Variants in NUP210L observed in about 807,000 individuals in gnomAD.
The protein encoded by NUP210L is nuclear pore membrane glycoprotein 210-like.
In NUP210L, 74 loss-of-function variants were observed where a neutral mutation model predicts 208.5. That is an observed-to-expected ratio of 0.35 (90% CI 0.29 to 0.43). The LOEUF (loss-of-function observed/expected upper bound fraction) is 0.43. Among genes scored for constraint, NUP210L ranks in the 20% least tolerant of loss-of-function variants. The probability of loss-of-function intolerance (pLI) is 1.00; values close to 1 mark genes in which losing one functional copy is unlikely to be tolerated. For missense variants in NUP210L, 1,843 were observed against 2,289.4 expected, an observed-to-expected ratio of 0.81 and a Z score of 3.98; for synonymous variants, 780 against 816.9, an observed-to-expected ratio of 0.95 and a Z score of 0.77.
chr1:154,047,672 C>A (rs1017778255), intron 25 of NUP210L, among the ~76,000 whole-genome samples: 14 of 152,206 alleles, frequency 9.2e-5, no homozygotes, highest in African/African-American at 2.9e-4. Context: ...ATCTATAGAA[C>A]CAATGCTTAT....
intron 35 of NUP210L, among the ~76,000 whole-genome samples, chr1:154,006,540 C>A (rs1650532533): frequency 6.6e-6 from 1 of 151,848 alleles, no homozygotes; most frequent in Non-Finnish European, 1.5e-5. Flanking sequence ...ACCGCCCAGG[C>A]TGGAGTGAAG....
rs181378418 is a variant in NUP210L at position 154,138,766 on chromosome 1, A to G, written c.718-528T>C. 5.9e-4 allele frequency among the ~76,000 whole-genome samples: 90 copies of G among 152,336 alleles called. No homozygotes were observed. In the East Asian group the frequency reaches 0.014, roughly 23 times the overall value. ...CCTATTTATGCAAGTTGTGCTTATA[A>G]TTATAATCACATTAAAACAAAAACT... On this transcript the variant is annotated intron_variant, in intron 5 of 39. Coordinates refer to ENST00000368559, the Ensembl canonical transcript of NUP210L.
intron 20 of NUP210L, among the ~76,000 whole-genome samples, chr1:154,059,077 G>C (rs187522945): frequency 2.0e-5 from 3 of 151,508 alleles, no homozygotes; most frequent in African/African-American, 7.3e-5. Flanking sequence ...GCACATGCCT[G>C]TAATCCCAGC....
chr1:154,058,627 G>T, exon 21 of NUP210L: 2 of 1,613,890 alleles, frequency 1.2e-6, no homozygotes, highest in South Asian at 2.2e-5. Context: ...GCTGTTGCTG[G>T]ACCCAAGAAA....
intron 5 of NUP210L, among the ~76,000 whole-genome samples, chr1:154,138,740 A>G (rs926391083): frequency 6.6e-6 from 1 of 152,174 alleles, no homozygotes; most frequent in Non-Finnish European, 1.5e-5. Flanking sequence ...TTTTTCCCAA[A>G]CCTATTTATG....
intron 22 of NUP210L, among the ~76,000 whole-genome samples, chr1:154,057,241 A>AG (rs1653916729): frequency 6.6e-6 from 1 of 152,086 alleles, no homozygotes; most frequent in African/African-American, 2.4e-5. Context: ...GCCTCCCATC[A>AG]TGCTGGGATT....
intron 6 of NUP210L, among the ~76,000 whole-genome samples, chr1:154,137,275 G>A (rs4845601): frequency 0.3 from 46,158 of 151,758 alleles, 7,909 homozygotes; most frequent in Admixed American, 0.45. Context: ...AAAAGAGGCC[G>A]GGAGTGATGG....
intron 1 of NUP210L, among the ~76,000 whole-genome samples, chr1:154,153,740 C>T (rs1302740910): frequency 6.6e-6 from 1 of 152,208 alleles, no homozygotes; most frequent in East Asian, 1.9e-4. Flanking sequence ...GCCACCATGC[C>T]TGGCCTCATT....
rs368212393 is a variant in NUP210L, at chr1:154,058,709, T to A, written c.2851-16A>T. The A allele has an allele frequency of 2.5e-6, 4 of 1,611,358 alleles. No homozygotes were observed. In the African/African-American group the frequency reaches 5.3e-5, roughly 22 times the overall value. ...ATGGAACTAACTGGAAGTAAGAAGA[T>A]GGTAGCTGGATAAAGAAGCAAACAT... On this transcript the variant is annotated splice_polypyrimidine_tract_variant and intron_variant, in intron 20 of 39. Transcript: ENST00000368559.
In NUP210L at chr1:154,120,416, G is replaced by A. The variant is rs901026952; in HGVS notation, c.1327-1608C>T. Among the ~76,000 whole-genome samples the A allele has an allele frequency of 1.2e-4, 18 of 151,922 alleles. No individual in the cohort carries two copies. The East Asian group carries it at 3.1e-3, about 26-fold the overall frequency. The stretch of plus-strand genomic sequence containing the variant: ...ACCGTATGCTCTCACTCATAGGTGG[G>A]AATTGAACAATGAGAACACTTGGAC... On this transcript the variant is annotated intron_variant, in intron 10 of 39. Transcript: ENST00000368559.
At chr1:154,136,511 GA>G (rs1658554692) in intron 6 of NUP210L, among the ~76,000 whole-genome samples, 1 of 151,390 alleles carries the variant, frequency 6.6e-6, no homozygotes, top group East Asian at 1.9e-4. Context: ...GAGAGAGAAA[GA>G]AAGAATTGGT....
intron 30 of NUP210L, among the ~76,000 whole-genome samples, chr1:154,024,684 G>A (rs1390259374): frequency 7.9e-6 from 1 of 126,046 alleles, no homozygotes; most frequent in Non-Finnish European, 1.6e-5. Context: ...CACCAAGCCC[G>A]GCTATTTTTT....
intron 27 of NUP210L, among the ~76,000 whole-genome samples, chr1:154,042,285 TAG>T (rs1652928390): frequency 6.6e-6 from 1 of 152,014 alleles, no homozygotes; most frequent in Non-Finnish European, 1.5e-5. Flanking sequence ...GTGTTTTTTG[TAG>T]AGACAGGGTT....
chr1:154,155,067 C>T, exon 1 of NUP210L: 1 of 1,560,116 alleles, frequency 6.4e-7, no homozygotes, highest in Non-Finnish European at 8.7e-7. Context: ...GTCTCGGGTT[C>T]CCGCTCAACT....
chr1:154,092,559 T>G (rs1191893664), intron 15 of NUP210L, among the ~76,000 whole-genome samples: 2 of 151,158 alleles, frequency 1.3e-5, no homozygotes, highest in Non-Finnish European at 3.0e-5. Flanking sequence ...TGTTTTTTTT[T>G]TTTTTTTAGC....
At chr1:154,135,028 A>G (rs1364570454) in intron 7 of NUP210L, among the ~76,000 whole-genome samples, 2 of 151,876 alleles carry the variant, frequency 1.3e-5, no homozygotes, top group African/African-American at 4.8e-5. Flanking sequence ...GTGAGCCACC[A>G]CGCCCGGCCT....
intron 14 of NUP210L, among the ~76,000 whole-genome samples, chr1:154,097,274 G>A (rs1001163205): frequency 1.3e-5 from 2 of 152,088 alleles, no homozygotes; most frequent in African/African-American, 4.8e-5. Context: ...ACATAGTAAT[G>A]ATAACAAGGG....
chr1:154,000,454 GA>G (rs1237969289), intron 37 of NUP210L, among the ~76,000 whole-genome samples: 5 of 152,118 alleles, frequency 3.3e-5, no homozygotes, highest in Non-Finnish European at 7.3e-5. Flanking sequence ...TGGCATACCC[GA>G]ATTGCAGGCA....
chr1:154,100,364 T>C (rs534363353), intron 13 of NUP210L, among the ~76,000 whole-genome samples: 32 of 149,430 alleles, frequency 2.1e-4, no homozygotes, highest in South Asian at 1.5e-3. Flanking sequence ...GGAAGGAGGA[T>C]CACTTGAGCC....
Sources: gnomAD v4.1 joint callset for allele counts (sites outside exome capture counted in the v4.1 genomes callset) on GRCh38, gnomAD v4.1.1 for gene constraint, MANE v1.5 for transcripts, NCBI Gene and HGNC (gene_info 2026-07-23, HGNC 2026-07-21) for gene names.